Variants in PTN observed in about 807,000 individuals in gnomAD.
PTN encodes the protein heparin affin regulatory protein.
Under a neutral mutation model 24.1 loss-of-function variants are expected in PTN, and 18 were observed. The observed-to-expected ratio is 0.75, with a 90% CI of 0.52 to 1.11. The LOEUF is 1.11. Among genes scored for constraint, PTN ranks in the 50% least tolerant of loss-of-function variants. PTN has a pLI of 0.00. For missense variants in PTN, 163 were observed against 198.8 expected (o/e 0.82, Z 1.08); for synonymous variants, 78 against 68.6 (o/e 1.14, Z -0.67).
At chr7:137,271,695 T>C (rs976421153) in intron 1 of PTN, among the ~76,000 whole-genome samples, 1 of 152,212 alleles carries the variant, frequency 6.6e-6, no homozygotes, top group African/African-American at 2.4e-5. Context: ...ATCACAGAAT[T>C]GTTTAGTTTC....
chr7:137,239,686 T>C (rs1808592451), intron 4 of PTN, among the ~76,000 whole-genome samples: 1 of 152,186 alleles, frequency 6.6e-6, no homozygotes, highest in South Asian at 2.1e-4. Flanking sequence ...TTACTGAGAA[T>C]GATGATTTCC....
intron 1 of PTN, among the ~76,000 whole-genome samples, chr7:137,279,520 G>C (rs1809430197): frequency 6.6e-6 from 1 of 152,156 alleles, no homozygotes; most frequent in Admixed American, 6.5e-5. Flanking sequence ...AGCAGATTAA[G>C]TTAGAAGAGG....
intron 4 of PTN, among the ~76,000 whole-genome samples, chr7:137,246,753 T>C (rs374773738): frequency 6.6e-6 from 1 of 152,160 alleles, no homozygotes; most frequent in Non-Finnish European, 1.5e-5. Context: ...TAAAGATTCA[T>C]CTAATAAATG....
intron 4 of PTN, among the ~76,000 whole-genome samples, chr7:137,241,893 C>T (rs1306750405): frequency 1.3e-5 from 2 of 152,116 alleles, no homozygotes; most frequent in South Asian, 2.1e-4. Context: ...AGGGGGCCTT[C>T]GAGGGGAGGG....
intron 1 of PTN, among the ~76,000 whole-genome samples, chr7:137,332,052 A>C (rs1237584941): frequency 6.6e-6 from 1 of 152,244 alleles, no homozygotes; most frequent in Non-Finnish European, 1.5e-5. Flanking sequence ...ACCGAGCTAA[A>C]TAAATTGAAT....
chr7:137,336,872 G>C (rs1364593066), intron 1 of PTN, among the ~76,000 whole-genome samples: 1 of 152,142 alleles, frequency 6.6e-6, no homozygotes, highest in African/African-American at 2.4e-5. Flanking sequence ...TTACTACTCA[G>C]ACGTCAATCC....
At chr7:137,233,823 T>C (rs914087577) in intron 4 of PTN, among the ~76,000 whole-genome samples, 2 of 151,714 alleles carry the variant, frequency 1.3e-5, no homozygotes, top group Admixed American at 6.6e-5. Flanking sequence ...TATTTCATTC[T>C]TCTTAAAAAA....
chr7:137,254,943 G>T lies in PTN; in HGVS notation c.31C>A (p.Arg11=). The T allele has an allele frequency of 6.3e-7, 1 of 1,577,654 alleles. No homozygotes were observed. Among genetic ancestry groups the T allele is most frequent in the South Asian group, 1.2e-5 (1 of 86,946 alleles). The change falls in exon 2 of 5, where the codon CGA becomes AGA. Residue 11 remains arginine (R), a synonymous_variant. Transcript: ENST00000348225. The part of the protein sequence containing the change: MQAQQYQQQR[R]KFAAAFLAFI... ...GCCAAGAAGGCAGCTGCAAATTTTC[G>T]ACGCTGCTGCTGGTACTGTTGAGCC...
At chr7:137,254,323 G>T (rs1317526444) in intron 2 of PTN, among the ~76,000 whole-genome samples, 2 of 151,486 alleles carry the variant, frequency 1.3e-5, no homozygotes, top group African/African-American at 4.8e-5. Flanking sequence ...AATAACAGTT[G>T]TCAAATGAGC....
At chr7:137,294,155 G>A (rs191396811) in intron 1 of PTN, among the ~76,000 whole-genome samples, 42 of 152,098 alleles carry the variant, frequency 2.8e-4, no homozygotes, top group African/African-American at 9.6e-4. Context: ...CCTTAGTTGC[G>A]AGCTGATTTC....
chr7:137,292,016 A>G (rs1172804685), intron 1 of PTN, among the ~76,000 whole-genome samples: 1 of 152,156 alleles, frequency 6.6e-6, no homozygotes, highest in African/African-American at 2.4e-5. Flanking sequence ...GTGTCTGCAG[A>G]ATAAAACTAG....
intron 1 of PTN, among the ~76,000 whole-genome samples, chr7:137,279,041 A>G (rs1202873913): frequency 6.6e-6 from 1 of 151,070 alleles, no homozygotes; most frequent in Non-Finnish European, 1.5e-5. Flanking sequence ...AAACTGAGAA[A>G]TTCACATGAG....
At chr7:137,328,596 C>G (rs548635425) in intron 1 of PTN, among the ~76,000 whole-genome samples, 1 of 152,300 alleles carries the variant, frequency 6.6e-6, no homozygotes, top group African/African-American at 2.4e-5. Flanking sequence ...CTGTGGCCTC[C>G]CCAAGGGATA....
chr7:137,280,416 G>A (rs1809447711), intron 1 of PTN, among the ~76,000 whole-genome samples: 1 of 151,782 alleles, frequency 6.6e-6, no homozygotes, highest in Admixed American at 6.6e-5. Context: ...TATTGCCCAA[G>A]GAGACTATAG....
intron 2 of PTN, among the ~76,000 whole-genome samples, chr7:137,254,537 T>C (rs1808884629): frequency 8.7e-6 from 1 of 114,356 alleles, no homozygotes; most frequent in South Asian, 2.5e-4. Context: ...CAAGTTGCAG[T>C]GCATTTTTTT....
intron 1 of PTN, among the ~76,000 whole-genome samples, chr7:137,341,813 G>T (rs1654649844): frequency 6.6e-6 from 1 of 151,958 alleles, no homozygotes; most frequent in Non-Finnish European, 1.5e-5. Flanking sequence ...AGAACTTAAG[G>T]CCCAAGTTTC....
At chr7:137,261,604 A>G (rs1809039391) in intron 1 of PTN, among the ~76,000 whole-genome samples, 1 of 152,214 alleles carries the variant, frequency 6.6e-6, no homozygotes, top group South Asian at 2.1e-4. Context: ...GAAAAGGTAA[A>G]TAAATAGGAG....
At chr7:137,309,990 A>G (rs1281036020) in intron 1 of PTN, among the ~76,000 whole-genome samples, 1 of 152,220 alleles carries the variant, frequency 6.6e-6, no homozygotes, top group Non-Finnish European at 1.5e-5. Flanking sequence ...GATCCATCAG[A>G]GGAATCACCA....
intron 1 of PTN, among the ~76,000 whole-genome samples, chr7:137,303,747 G>A (rs940015685): frequency 5.9e-5 from 9 of 151,906 alleles, no homozygotes; most frequent in African/African-American, 9.7e-5. Context: ...AATTTAATTC[G>A]TTGACTATTT....
Sources: allele counts gnomAD v4.1 joint callset (sites outside exome capture counted in the v4.1 genomes callset), GRCh38; gene constraint gnomAD v4.1.1; transcripts MANE v1.5; gene names NCBI Gene and HGNC (gene_info 2026-07-23, HGNC 2026-07-21).